RCSD1: variants seen among roughly 807,000 people sequenced by gnomAD.
RCSD1 encodes the protein RCSD domain containing 1, also known as capZ-interacting protein.
Under a neutral mutation model 42.5 loss-of-function variants are expected in RCSD1, and 26 were observed. The ratio of observed to expected loss-of-function variants is 0.61; its 90% confidence interval spans 0.45 to 0.85. The LOEUF (loss-of-function observed/expected upper bound fraction) is 0.85, where lower values mean the gene tolerates loss of function less well. Among genes scored for constraint, RCSD1 ranks in the 40% least tolerant of loss-of-function variants. The probability of loss-of-function intolerance (pLI) is 0.00; values close to 1 mark genes in which losing one functional copy is unlikely to be tolerated. For synonymous variants in RCSD1, 220 were observed against 212.2 expected (o/e 1.04, Z -0.32); for missense variants, 571 against 528.3 (o/e 1.08, Z -0.79).
chr1:167,699,314 C>A (rs1659586484), intron 6 of RCSD1, among the ~76,000 whole-genome samples: 1 of 152,174 alleles, frequency 6.6e-6, no homozygotes, highest in Admixed American at 6.5e-5. Context: ...ACAGTTCAGA[C>A]CTTCAAAATT....
chr1:167,642,314 G>A (rs4657693), intron 1 of RCSD1, among the ~76,000 whole-genome samples: 55,191 of 152,050 alleles, frequency 0.36, 10,264 homozygotes, highest in East Asian at 0.63. Context: ...GGGGAAAGCC[G>A]AGGGAGAAAG....
In RCSD1 at chr1:167,697,832, C is replaced by T. The variant is rs778904202; in HGVS notation, c.1208C>T (p.Pro403Leu). ...SSEVQSEPAV[P>L]KPEDDTPVQD... is the part of the protein sequence containing the mutation. ...GAGGTCCAGAGCGAGCCAGCAGTCC[C>T]CAAGCCGGAGGTAGGTGGCCTGGCT... Residue 403 changes from proline to leucine, a missense_variant, in exon 6 of 7, where the codon CCC becomes CTC. Transcript: ENST00000367854. 8 of 1,463,544 alleles carry T rather than the reference C, an allele frequency of 5.5e-6. No homozygotes were observed. In the East Asian group the frequency reaches 1.9e-4, roughly 36 times the overall value. The allele number at this position is 1,463,544 out of a possible 1,614,324, so 90.7% of individuals were successfully genotyped here. A position where few individuals can be genotyped will look rare whatever the true frequency, so the allele number is the denominator to read the frequency against.
chr1:167,634,098 GA>G (rs1190035487), intron 1 of RCSD1, among the ~76,000 whole-genome samples: 5 of 152,182 alleles, frequency 3.3e-5, no homozygotes, highest in African/African-American at 1.2e-4. Context: ...CTTGATAAAT[GA>G]TTAGCATAAA....
intron 6 of RCSD1, among the ~76,000 whole-genome samples, chr1:167,701,252 G>GTTTGTTTC (rs1276194168): frequency 3.6e-4 from 35 of 96,134 alleles, no homozygotes; most frequent in East Asian, 1.0e-3. Flanking sequence ...CAATTGCCTA[G>GTTTGTTTC]TTTCTTTCTT....
chr1:167,656,248 G>A (rs1237074917), intron 1 of RCSD1, among the ~76,000 whole-genome samples: 1 of 152,074 alleles, frequency 6.6e-6, no homozygotes, highest in Non-Finnish European at 1.5e-5. Context: ...AACCTGTCTC[G>A]AGTTCTATGA....
At chr1:167,695,213 AG>A (rs982458310) in intron 5 of RCSD1, among the ~76,000 whole-genome samples, 6 of 152,370 alleles carry the variant, frequency 3.9e-5, no homozygotes, top group South Asian at 4.1e-4. Flanking sequence ...AGACCCCTGA[AG>A]GCAGAGAGGA....
In RCSD1 at chr1:167,676,036, T is replaced by A. The variant is rs1275317770; in HGVS notation, c.7-7864T>A. Among the ~76,000 whole-genome samples, 3 of 152,202 alleles carry A rather than the reference T, an allele frequency of 2.0e-5. No individual in the cohort carries two copies. In the South Asian group the frequency reaches 6.2e-4, roughly 31 times the overall value. Reference sequence around the variant, plus strand: ...TAGCTAACAATTATCAAACACTTCCTACATGCTAGGCCCTGTTCTAAGCAT... The same window carrying A: ...TAGCTAACAATTATCAAACACTTCCAACATGCTAGGCCCTGTTCTAAGCAT... On this transcript the variant is annotated intron_variant, in intron 1 of 6. Coordinates refer to ENST00000367854, the MANE Select transcript of RCSD1 (RefSeq NM_052862.4).
chr1:167,654,770 A>G (rs554546043), intron 1 of RCSD1, among the ~76,000 whole-genome samples: 2 of 152,322 alleles, frequency 1.3e-5, no homozygotes, highest in South Asian at 4.1e-4. Flanking sequence ...ATCTCTTCCC[A>G]CAGTCGAGAG....
chr1:167,638,076 T>C (rs918268742), intron 1 of RCSD1, among the ~76,000 whole-genome samples: 12 of 152,166 alleles, frequency 7.9e-5, no homozygotes, highest in Admixed American at 3.9e-4. Flanking sequence ...CGCTAGACCC[T>C]CCACCTTCAA....
intron 1 of RCSD1, among the ~76,000 whole-genome samples, chr1:167,638,069 T>C (rs962353352): frequency 1.6e-4 from 25 of 152,206 alleles, no homozygotes; most frequent in Admixed American, 8.5e-4. Context: ...GCCTCCCCGC[T>C]AGACCCTCCA....
chr1:167,652,518 C>T (rs1438861446), intron 1 of RCSD1, among the ~76,000 whole-genome samples: 6 of 152,324 alleles, frequency 3.9e-5, no homozygotes, highest in Middle Eastern at 3.4e-3. Context: ...GCTGCTCCCT[C>T]GAGACAGACC....
At chr1:167,678,310 A>G (rs1446998917) in intron 1 of RCSD1, among the ~76,000 whole-genome samples, 3 of 152,126 alleles carry the variant, frequency 2.0e-5, no homozygotes, top group African/African-American at 4.8e-5. Context: ...CCTGCATTGC[A>G]TCTCCACTTA....
intron 1 of RCSD1, among the ~76,000 whole-genome samples, chr1:167,658,592 A>AT (rs112283835): frequency 2.2e-5 from 3 of 138,478 alleles, no homozygotes; most frequent in African/African-American, 5.0e-5. Context: ...CGCCTGGTTA[A>AT]TTTTTTTTTT....
At chr1:167,657,581 A>G (rs1328942389) in intron 1 of RCSD1, among the ~76,000 whole-genome samples, 1 of 152,142 alleles carries the variant, frequency 6.6e-6, no homozygotes, top group African/African-American at 2.4e-5. Context: ...AAATATCCTT[A>G]TGGGATTATT....
chr1:167,688,618 G>A (rs1385536165), intron 3 of RCSD1, among the ~76,000 whole-genome samples: 1 of 152,176 alleles, frequency 6.6e-6, no homozygotes, highest in Non-Finnish European at 1.5e-5. Context: ...GAAGGAGTGG[G>A]GATCCTGTAA....
chr1:167,644,277 T>C (rs972760617), intron 1 of RCSD1, among the ~76,000 whole-genome samples: 3 of 152,070 alleles, frequency 2.0e-5, no homozygotes, highest in African/African-American at 4.8e-5. Flanking sequence ...ATCAGGAGTT[T>C]GAGACCAGCC....
intron 1 of RCSD1, among the ~76,000 whole-genome samples, chr1:167,657,891 G>GCACACA (rs36021344): frequency 6.7e-6 from 1 of 148,270 alleles, no homozygotes; most frequent in East Asian, 2.0e-4. Context: ...GTTTACTCAT[G>GCACACA]CACACACACA....
chr1:167,650,185 A>G (rs552193613), intron 1 of RCSD1, among the ~76,000 whole-genome samples: 4 of 152,346 alleles, frequency 2.6e-5, no homozygotes, highest in Admixed American at 6.5e-5. Context: ...TGGAAAGAAT[A>G]TAAAAGACTC....
At chr1:167,649,076 T>G (rs1658239167) in intron 1 of RCSD1, among the ~76,000 whole-genome samples, 1 of 152,162 alleles carries the variant, frequency 6.6e-6, no homozygotes, top group African/African-American at 2.4e-5. Context: ...AACACAGATC[T>G]GAGTATGACC....
Sources: allele counts gnomAD v4.1 joint callset (sites outside exome capture counted in the v4.1 genomes callset), GRCh38; gene constraint gnomAD v4.1.1; transcripts MANE v1.5; gene names NCBI Gene and HGNC (gene_info 2026-07-23, HGNC 2026-07-21).